NEK10: variants seen among roughly 807,000 people sequenced by gnomAD.
NEK10 encodes serine/threonine-protein kinase Nek10.
NEK10 carries 122 observed loss-of-function variants against 159.8 expected under a neutral mutation model. The observed-to-expected ratio is 0.76, with a 90% CI of 0.66 to 0.89. NEK10 has a LOEUF of 0.89. NEK10 is among the 40% of genes least tolerant of loss of function. The probability of loss-of-function intolerance (pLI) is 0.00; values close to 1 mark genes in which losing one functional copy is unlikely to be tolerated. For synonymous variants in NEK10, 466 were observed against 457.1 expected, an observed-to-expected ratio of 1.02 and a Z score of -0.25; for missense variants, 1,342 against 1,323.1, an observed-to-expected ratio of 1.01 and a Z score of -0.22.
At chr3:27,190,819 T>A (rs184562162) in intron 26 of NEK10, among the ~76,000 whole-genome samples, 1 of 152,338 alleles carries the variant, frequency 6.6e-6, no homozygotes, top group East Asian at 1.9e-4. Context: ...TGTTGCCTAG[T>A]TATTATGAAG....
intron 30 of NEK10, among the ~76,000 whole-genome samples, chr3:27,154,263 C>G (rs1409502816): frequency 1.3e-5 from 2 of 152,022 alleles, no homozygotes. Flanking sequence ...GAATTAGTTA[C>G]CCTGAACAGA....
At chr3:27,144,247 T>G (rs910011519) in intron 30 of NEK10, among the ~76,000 whole-genome samples, 2 of 152,220 alleles carry the variant, frequency 1.3e-5, no homozygotes, top group Non-Finnish European at 2.9e-5. Context: ...ACACATGCAG[T>G]TCTAGCCCAT....
intron 23 of NEK10, among the ~76,000 whole-genome samples, chr3:27,223,749 G>A (rs1952355216): frequency 6.6e-6 from 1 of 152,036 alleles, no homozygotes; most frequent in Non-Finnish European, 1.5e-5. Context: ...AGATGCTGAT[G>A]ACCCTATGTC....
At chr3:27,253,058 C>T (rs1315181046) in intron 23 of NEK10, 3 of 360,246 alleles carry the variant, frequency 8.3e-6, no homozygotes, top group Non-Finnish European at 1.6e-5. Flanking sequence ...AGGCATGCTT[C>T]ACTTTGTCTC....
chr3:27,229,195 A>G (rs1952962228), intron 23 of NEK10, among the ~76,000 whole-genome samples: 1 of 152,214 alleles, frequency 6.6e-6, no homozygotes, highest in African/African-American at 2.4e-5. Context: ...CACCAAACAC[A>G]TAATTACTAC....
chr3:27,332,655 T>A (rs1272260046), intron 5 of NEK10, among the ~76,000 whole-genome samples: 2 of 152,224 alleles, frequency 1.3e-5, no homozygotes, highest in Admixed American at 6.5e-5. Flanking sequence ...CAGCAAGGAA[T>A]GGACTAACAA....
At chr3:27,349,375 C>T (rs960933549) in intron 3 of NEK10, among the ~76,000 whole-genome samples, 1 of 152,024 alleles carries the variant, frequency 6.6e-6, no homozygotes, top group Non-Finnish European at 1.5e-5. Flanking sequence ...GAACCACCTC[C>T]TTCCCTGTCA....
intron 30 of NEK10, among the ~76,000 whole-genome samples, chr3:27,156,536 C>A (rs553146156): frequency 2.0e-5 from 3 of 151,908 alleles, no homozygotes; most frequent in Non-Finnish European, 2.9e-5. Flanking sequence ...AAATGACCAA[C>A]GAACATACGA....
chr3:27,174,304 G>C (rs1195886348), intron 28 of NEK10, 135 bp downstream of exon 28: 1 of 1,371,272 alleles, frequency 7.3e-7, no homozygotes, highest in Non-Finnish European at 1.0e-6. Context: ...AGACACATCT[G>C]TCCTAATTAG....
intron 5 of NEK10, among the ~76,000 whole-genome samples, chr3:27,328,023 C>T (rs2046133851): frequency 6.6e-6 from 1 of 151,818 alleles, no homozygotes; most frequent in Non-Finnish European, 1.5e-5. Flanking sequence ...CTATTCTTAA[C>T]AGGTCTTTGT....
At chr3:27,199,177 T>A (rs1165006896) in intron 25 of NEK10, among the ~76,000 whole-genome samples, 1 of 151,104 alleles carries the variant, frequency 6.6e-6, no homozygotes, top group Non-Finnish European at 1.5e-5. Context: ...AAACAGACAA[T>A]CTACAGAACA....
rs773832681 is a variant in NEK10 at position 27,174,738 on chromosome 3, G to T, written c.2601C>A (p.Gly867=). ...LSESADLPPE[G]FQASYGKDED... Reference sequence around the variant, plus strand: ...CGTCTTTACCATAGGAGGCCTGGAAGCCTTCAGGGGGCAGGTCTGCGCTTT... The same window carrying T: ...CGTCTTTACCATAGGAGGCCTGGAATCCTTCAGGGGGCAGGTCTGCGCTTT... The change falls in exon 27 of 36, where the codon GGC becomes GGA. Residue 867 remains glycine (G), a synonymous_variant. Coordinates refer to ENST00000691995, the MANE Select transcript of NEK10 (RefSeq NM_001394966.1). The T allele has an allele frequency of 1.2e-6, 2 of 1,613,728 alleles. No homozygotes were observed. Among genetic ancestry groups the T allele is most frequent in the Non-Finnish European group, 1.7e-6 (2 of 1,179,872 alleles).
At chr3:27,278,744 A>G (rs1245053962) in intron 22 of NEK10, 1 of 984,964 alleles carries the variant, frequency 1.0e-6, no homozygotes, top group Non-Finnish European at 1.2e-6. Context: ...ACATTAAAAT[A>G]AGGGTTTTTG....
chr3:27,329,190 T>C (rs1224726658), intron 5 of NEK10, among the ~76,000 whole-genome samples: 1 of 152,306 alleles, frequency 6.6e-6, no homozygotes, highest in Admixed American at 6.5e-5. Flanking sequence ...GCCATCCATG[T>C]AAGACATGAA....
chr3:27,198,449 G>C (rs148444461), intron 25 of NEK10, among the ~76,000 whole-genome samples: 1 of 152,048 alleles, frequency 6.6e-6, no homozygotes, highest in African/African-American at 2.4e-5. Flanking sequence ...TAGACCAATG[G>C]AACAGAAAAG....
intron 5 of NEK10, among the ~76,000 whole-genome samples, chr3:27,332,926 G>T (rs1317744842): frequency 6.6e-6 from 1 of 152,198 alleles, no homozygotes; most frequent in Admixed American, 6.5e-5. Flanking sequence ...TCCATATCTT[G>T]CCACACCTTG....
chr3:27,316,849 C>T (rs2045235142), intron 6 of NEK10, among the ~76,000 whole-genome samples: 1 of 151,976 alleles, frequency 6.6e-6, no homozygotes, highest in East Asian at 1.9e-4. Context: ...GTCCAATCAG[C>T]TTGGGAAATG....
intron 22 of NEK10, among the ~76,000 whole-genome samples, chr3:27,262,298 C>A (rs976719328): frequency 2.6e-5 from 4 of 152,146 alleles, no homozygotes; most frequent in Non-Finnish European, 4.4e-5. Context: ...GTGAATCTGA[C>A]AATTATGTGT....
intron 23 of NEK10, among the ~76,000 whole-genome samples, chr3:27,233,566 G>T (rs1953554057): frequency 6.6e-6 from 1 of 151,804 alleles, no homozygotes; most frequent in Admixed American, 6.6e-5. Context: ...CCTACCAAAA[G>T]GAAAAGAAGT....
Sources: gnomAD v4.1 joint callset for allele counts (sites outside exome capture counted in the v4.1 genomes callset) on GRCh38, gnomAD v4.1.1 for gene constraint, MANE v1.5 for transcripts, NCBI Gene and HGNC (gene_info 2026-07-23, HGNC 2026-07-21) for gene names.